The following LIMCH1 variants were observed in gnomAD, a reference collection of about 807,000 sequenced individuals.
The protein encoded by LIMCH1 is LIM and calponin homology domains 1.
Under a neutral mutation model 176.5 loss-of-function variants are expected in LIMCH1, and 113 were observed. The observed-to-expected ratio is 0.64, with a 90% CI of 0.55 to 0.75. LIMCH1 has a LOEUF of 0.75. LIMCH1 is among the 30% of genes least tolerant of loss of function. The pLI, the probability that LIMCH1 is intolerant of heterozygous loss-of-function variation, is 0.00. For synonymous variants in LIMCH1, 619 were observed against 645.9 expected, an observed-to-expected ratio of 0.96 and a Z score of 0.63; for missense variants, 1,674 against 1,814.9, an observed-to-expected ratio of 0.92 and a Z score of 1.41.
At chr4:41,554,833 A>G (rs2081019169) in intron 1 of LIMCH1, among the ~76,000 whole-genome samples, 1 of 152,182 alleles carries the variant, frequency 6.6e-6, no homozygotes, top group Non-Finnish European at 1.5e-5. Context: ...TTCCATAAAT[A>G]TTTATCATGT....
In LIMCH1 at chr4:41,685,797, A is replaced by G. The variant is rs761288240; in HGVS notation, c.4055A>G (p.Asn1352Ser). Residue 1352 changes from asparagine (N) to serine (S), a missense_variant, in exon 28 of 32, where the codon AAC (asparagine) becomes AGC (serine). Physicochemically the swap from Asn to Ser is conservative, Grantham distance 46. Around this residue, in one of 3 missense-constraint regions of LIMCH1, gnomAD observed 1,015 missense variants for 1,102.5 expected, o/e 0.92. Coordinates refer to ENST00000503057, the MANE Select transcript of LIMCH1 (RefSeq NM_001330672.2). ...ACCCTCCCGCTGGATAAAAGCATTA[A>G]CCATCAGATCGAGTCTCCCAGTGAA... ...PKTLPLDKSI[N>S]HQIESPSERR... 1 of 1,613,508 alleles carries G rather than the reference A, an allele frequency of 6.2e-7. No individual in the cohort carries two copies. The highest frequency in any genetic ancestry group is 1.1e-5 in the South Asian group (1 of 91,036).
chr4:41,680,459 A>G lies in LIMCH1; in HGVS notation c.3612+361A>G, dbSNP rs867629389. 2.0e-5 allele frequency among the ~76,000 whole-genome samples: 3 copies of G among 152,284 alleles called. No individual in the cohort carries two copies. The South Asian group carries it at 6.2e-4, about 32-fold the overall frequency. On this transcript the variant is annotated intron_variant, in intron 24 of 31. Transcript: ENST00000503057. ...GTAATAGTGAATTAATTTTATGAGG[A>G]TAATTTTGATATTGAGGCTGAATGA...
At chr4:41,596,092 C>T (rs1478300196) in intron 1 of LIMCH1, among the ~76,000 whole-genome samples, 1 of 150,786 alleles carries the variant, frequency 6.6e-6, no homozygotes, top group Non-Finnish European at 1.5e-5. Context: ...CTTTGATTCT[C>T]ATATTGACAA....
chr4:41,600,066 T>A (rs2152749834), intron 2 of LIMCH1, among the ~76,000 whole-genome samples: 1 of 152,214 alleles, frequency 6.6e-6, no homozygotes, highest in Non-Finnish European at 1.5e-5. Flanking sequence ...AAAATAAAAT[T>A]TGGGGTTTAT....
rs1003814015 is a variant in LIMCH1, at chr4:41,449,019, T to TA, written c.97-45506dup. Among the ~76,000 whole-genome samples the TA allele has an allele frequency of 4.5e-3, 653 of 145,290 alleles. 2 individuals are homozygous for TA. The highest frequency in any genetic ancestry group is 0.012 in the African/African-American group (494 of 39,838). ...AACACACACAGAGTTCAGCACTTAG[T>TA]AAAAAAAAAAAGCTGGTATTTTCTC... On this transcript the variant is annotated intron_variant, in intron 1 of 26. Transcript: ENST00000313860.
intron 1 of LIMCH1, among the ~76,000 whole-genome samples, chr4:41,392,817 G>A (rs2057388565): frequency 6.6e-6 from 1 of 152,066 alleles, no homozygotes; most frequent in African/African-American, 2.4e-5. Context: ...GATCACTTGA[G>A]GTCAGGAATT....
At chr4:41,388,654 G>GT (rs11422810) in intron 1 of LIMCH1, among the ~76,000 whole-genome samples, 3 of 151,470 alleles carry the variant, frequency 2.0e-5, no homozygotes, top group Non-Finnish European at 4.4e-5. Context: ...AAGCTTTTTT[G>GT]TTTTTGAGAC....
chr4:41,520,926 AG>A (rs1223849073), intron 2 of LIMCH1, among the ~76,000 whole-genome samples: 1 of 152,162 alleles, frequency 6.6e-6, no homozygotes, highest in Non-Finnish European at 1.5e-5. Context: ...AACCACAGGC[AG>A]GAAGTTGGCA....
At chr4:41,391,849 TGTA>T (rs2057280644) in intron 1 of LIMCH1, among the ~76,000 whole-genome samples, 1 of 152,208 alleles carries the variant, frequency 6.6e-6, no homozygotes, top group Non-Finnish European at 1.5e-5. Flanking sequence ...AAGTAAATTC[TGTA>T]GTTAATAGTG....
chr4:41,604,280 T>G (rs2090377799), intron 3 of LIMCH1: 5 of 884,450 alleles, frequency 5.7e-6, no homozygotes, highest in Non-Finnish European at 5.4e-6. Flanking sequence ...TAGGGTAAGA[T>G]CTGCACAATA....
intron 2 of LIMCH1, among the ~76,000 whole-genome samples, chr4:41,495,437 C>G (rs111566292): frequency 7.3e-4 from 111 of 152,276 alleles, no homozygotes; most frequent in African/African-American, 2.4e-3. Context: ...CACTCAATCT[C>G]AAGCCCCTGG....
chr4:41,437,102 T>TAAACA (rs933430997), intron 1 of LIMCH1, among the ~76,000 whole-genome samples: 6 of 152,216 alleles, frequency 3.9e-5, no homozygotes, highest in South Asian at 2.1e-4. Context: ...CTTTCTCACT[T>TAAACA]AAACAAAACA....
chr4:41,379,586 A>T (rs924736223), intron 1 of LIMCH1, among the ~76,000 whole-genome samples: 1 of 152,186 alleles, frequency 6.6e-6, no homozygotes, highest in Non-Finnish European at 1.5e-5. Context: ...CTGTGGACAT[A>T]TTTTAAAGCC....
chr4:41,460,333 C>T (rs1260121449), intron 1 of LIMCH1, among the ~76,000 whole-genome samples: 2 of 151,624 alleles, frequency 1.3e-5, no homozygotes, highest in African/African-American at 4.9e-5. Flanking sequence ...ATATTTTGAT[C>T]GTTGATCATG....
At chr4:41,401,547 A>G (rs1451631044) in intron 1 of LIMCH1, among the ~76,000 whole-genome samples, 2 of 152,092 alleles carry the variant, frequency 1.3e-5, no homozygotes, top group African/African-American at 4.8e-5. Context: ...ACTTTAAAGT[A>G]GTTTTTTCCA....
At position 41,488,054 on chromosome 4, in the gene LIMCH1, T is replaced by A. The variant is rs1264275567; in HGVS notation, c.97-6482T>A. Among the ~76,000 whole-genome samples the A allele has an allele frequency of 4.6e-5, 7 of 152,268 alleles. No individual in the cohort carries two copies. In the East Asian group the frequency reaches 1.4e-3, roughly 29 times the overall value. ...GTTCATCTGTGGTTCTGTCTCTAGA[T>A]ACTGCTCATCATCATTGCTCAATAC... is the stretch of plus-strand genomic sequence containing the variant. On this transcript the variant is annotated intron_variant, in intron 1 of 26. Transcript: ENST00000313860.
chr4:41,593,455 A>G (rs558999948), intron 1 of LIMCH1, among the ~76,000 whole-genome samples: 6 of 152,348 alleles, frequency 3.9e-5, no homozygotes, highest in Admixed American at 2.6e-4. Flanking sequence ...ATGAGTTTGC[A>G]GTGGTCATCT....
intron 1 of LIMCH1, among the ~76,000 whole-genome samples, chr4:41,419,039 AT>A (rs933217155): frequency 6.6e-6 from 1 of 152,158 alleles, no homozygotes; most frequent in African/African-American, 2.4e-5. Flanking sequence ...TAGAGGGCTT[AT>A]TTCACTTCTG....
rs2093305794 is a variant in LIMCH1, at chr4:41,631,229, C to T, written c.1353C>T (p.Ala451=). Residue 451 remains alanine, a synonymous_variant, in exon 10 of 32, where the codon GCC becomes GCT. Coordinates refer to ENST00000503057, the MANE Select transcript of LIMCH1 (RefSeq NM_001330672.2). ...AAACTGCCATTCGTGATGACTTTGCCAACCGCAAAGCAAGGGCCTCTAAGA... is the reference window on the plus strand; with the variant it reads ...AAACTGCCATTCGTGATGACTTTGCTAACCGCAAAGCAAGGGCCTCTAAGA... ...KAETAIRDDF[A]NRKARASKKA... 1 of 1,536,010 alleles carries T rather than the reference C, an allele frequency of 6.5e-7. No homozygotes were observed. Among genetic ancestry groups the T allele is most frequent in the Admixed American group, 2.0e-5 (1 of 50,974 alleles).
Sources: gnomAD v4.1 joint callset for allele counts (sites outside exome capture counted in the v4.1 genomes callset) on GRCh38, gnomAD v4.1.1 for gene constraint, gnomAD v4.1.1 regional missense constraint, MANE v1.5 for transcripts, NCBI Gene and HGNC (gene_info 2026-07-23, HGNC 2026-07-21) for gene names.